The following CIROZ variants were observed in gnomAD, a reference collection of about 807,000 sequenced individuals.
CIROZ encodes ciliated left-right organizer protein containing ZP-N domains.
the CIROZ span, chr1:10,958,870 TG>T: frequency 2.0e-6 from 2 of 984,602 alleles, no homozygotes; most frequent in Non-Finnish European, 3.1e-6. Context: ...GTGAGAGAGC[TG>T]TGCCGCAGGG....
At chr1:10,979,049 T>C in the CIROZ span, among the ~76,000 whole-genome samples, 8 of 152,270 alleles carry the variant, frequency 5.3e-5, no homozygotes, top group East Asian at 1.5e-3. Flanking sequence ...TGGAGTGCAG[T>C]GGCACAGTCT....
At chr1:10,964,110 A>AC in the CIROZ span, 4 of 1,609,930 alleles carry the variant, frequency 2.5e-6, no homozygotes, top group South Asian at 2.2e-5. Context: ...CACCTCCCAG[A>AC]CCCCCCGAAC....
chr1:10,951,868 T>C, the CIROZ span, among the ~76,000 whole-genome samples: 1 of 151,616 alleles, frequency 6.6e-6, no homozygotes, highest in African/African-American at 2.4e-5. Context: ...GTCCTATAGG[T>C]TCTAATTACT....
At chr1:10,982,024 G>A in the CIROZ span, 1 of 1,537,188 alleles carries the variant, frequency 6.5e-7, no homozygotes, top group South Asian at 1.2e-5. Context: ...GGCAAGTGCT[G>A]GGGACCCCCA....
At chr1:10,956,477 CTTTT>C in the CIROZ span, among the ~76,000 whole-genome samples, 3 of 139,696 alleles carry the variant, frequency 2.1e-5, no homozygotes, top group African/African-American at 2.6e-5. Flanking sequence ...GATGATTTTA[CTTTT>C]TTTTTTTTTT....
At chr1:10,951,745 A>AAAAAAAAAAT in the CIROZ span, among the ~76,000 whole-genome samples, 3 of 119,204 alleles carry the variant, frequency 2.5e-5, no homozygotes, top group African/African-American at 7.1e-5. Context: ...AAAAAAAAAA[A>AAAAAAAAAAT]ATATATATAT....
the CIROZ span, chr1:10,957,644 G>A: frequency 3.2e-5 from 51 of 1,614,014 alleles, no homozygotes; most frequent in Non-Finnish European, 3.5e-5. Flanking sequence ...GCCTTGTCTC[G>A]GGCTTTGGAC....
the CIROZ span, among the ~76,000 whole-genome samples, chr1:10,950,782 G>A: frequency 6.6e-6 from 1 of 152,210 alleles, no homozygotes; most frequent in Admixed American, 6.5e-5. Flanking sequence ...ACAGCCCTTG[G>A]ACATGTTTGA....
the CIROZ span, chr1:10,982,032 C>T: frequency 2.0e-6 from 3 of 1,537,230 alleles, no homozygotes; most frequent in Non-Finnish European, 1.7e-6. Context: ...CTGGGGACCC[C>T]CACATCCTCA....
the CIROZ span, chr1:10,948,349 G>C: frequency 6.9e-5 from 111 of 1,613,398 alleles, no homozygotes; most frequent in Non-Finnish European, 8.9e-5. Context: ...AGTGTGGCCC[G>C]CCAGGGCCTC....
chr1:10,948,584 A>G, the CIROZ span: 2 of 1,614,130 alleles, frequency 1.2e-6, no homozygotes, highest in South Asian at 1.1e-5. Flanking sequence ...GCGGTGAAGG[A>G]GAGGAGGCAT....
the CIROZ span, among the ~76,000 whole-genome samples, chr1:10,959,322 A>G: frequency 6.6e-6 from 1 of 152,134 alleles, no homozygotes; most frequent in Non-Finnish European, 1.5e-5. This position sits in a 1 kb window ranked among gnomAD's most constrained non-coding sequence, Gnocchi z 4.3. Context: ...AGGCAAACCG[A>G]GACAGTGGTT....
chr1:10,957,236 C>A, the CIROZ span: 7 of 716,050 alleles, frequency 9.8e-6, no homozygotes, highest in African/African-American at 1.3e-4. Context: ...TGTTACAAAG[C>A]CCAGGTCAGG....
chr1:10,964,393 C>T, the CIROZ span: 3 of 1,211,070 alleles, frequency 2.5e-6, no homozygotes, highest in Admixed American at 7.1e-5. Context: ...AGAAGGTGGG[C>T]TTGTGGAAGA....
the CIROZ span, among the ~76,000 whole-genome samples, chr1:10,952,102 A>G: frequency 3.3e-5 from 5 of 152,304 alleles, no homozygotes; most frequent in South Asian, 1.0e-3. Flanking sequence ...TGTCAAGAAT[A>G]AGAAGCCGAA....
chr1:10,947,486 C>G, the CIROZ span, among the ~76,000 whole-genome samples: 1 of 152,248 alleles, frequency 6.6e-6, no homozygotes, highest in African/African-American at 2.4e-5. Context: ...ACTCCCTGGC[C>G]TAGATGCCTA....
the CIROZ span, among the ~76,000 whole-genome samples, chr1:10,971,712 T>A: frequency 2.0e-5 from 3 of 152,114 alleles, no homozygotes; most frequent in African/African-American, 7.2e-5. Flanking sequence ...ATACTTCTAC[T>A]CGAGTGAGGA....
At chr1:10,970,322 G>A in the CIROZ span, among the ~76,000 whole-genome samples, 6 of 151,698 alleles carry the variant, frequency 4.0e-5, no homozygotes, top group Non-Finnish European at 8.8e-5. Context: ...ACTTGTTGGG[G>A]AGGTCCTCAA....
the CIROZ span, among the ~76,000 whole-genome samples, chr1:10,958,172 A>G: frequency 1.3e-5 from 2 of 152,170 alleles, no homozygotes; most frequent in African/African-American, 4.8e-5. Flanking sequence ...GCAGAGGGAC[A>G]GGGAAGGGTC....
Sources: allele counts gnomAD v4.1 joint callset (sites outside exome capture counted in the v4.1 genomes callset), GRCh38; gene constraint gnomAD v4.1.1; non-coding constraint Gnocchi (gnomAD v3.1); transcripts MANE v1.5; gene names NCBI Gene and HGNC (gene_info 2026-07-23, HGNC 2026-07-21).